TMCC1: variants seen among roughly 807,000 people sequenced by gnomAD.
The protein encoded by TMCC1 is transmembrane and coiled-coil domain family 1, also known as transmembrane and coiled-coil domains protein 1.
Under a neutral mutation model 52.4 loss-of-function variants are expected in TMCC1, and 15 were observed. That is an observed-to-expected ratio of 0.29 (90% CI 0.19 to 0.44). The LOEUF (loss-of-function observed/expected upper bound fraction) is 0.44. TMCC1 is among the 20% of genes least tolerant of loss of function. The pLI is 1.00. For synonymous variants in TMCC1, 279 were observed against 301.9 expected, an observed-to-expected ratio of 0.92 and a Z score of 0.79; for missense variants, 503 against 806.0, an observed-to-expected ratio of 0.62 and a Z score of 4.55.
Position 129,828,418 on chromosome 3 carries a change from T to G in TMCC1, c.-40A>C. 6.3e-7 allele frequency: 1 copy of G among 1,579,428 alleles called. No homozygotes were observed. Among genetic ancestry groups the G allele is most frequent in the Non-Finnish European group, 8.6e-7 (1 of 1,162,148 alleles). On this transcript the variant is annotated 5_prime_UTR_variant, in exon 4 of 7. Transcript: ENST00000393238. The surrounding 1 kb of genome is among the most constrained non-coding windows in gnomAD (Gnocchi z 4.1). ...TGCTTATTTGCAAACTCAAAAAAAT[T>G]TTTTAAACACACCAAGAGTGTCAAA...
chr3:129,697,673 T>C lies in TMCC1; in HGVS notation c.577-26409A>G, dbSNP rs372761023. ...TATGCTCTGCTTCCTCTCAAACACT[T>C]TGCCACTTAGAAATTTCTTCTGCCA... On this transcript the variant is annotated intron_variant, in intron 4 of 6. Transcript: ENST00000393238. Among the ~76,000 whole-genome samples the C allele has an allele frequency of 4.6e-5, 7 of 152,276 alleles. No homozygotes were observed. In the East Asian group the frequency reaches 1.3e-3, roughly 29 times the overall value.
intron 4 of TMCC1, among the ~76,000 whole-genome samples, chr3:129,746,883 C>T (rs2052027056): frequency 6.6e-6 from 1 of 152,172 alleles, no homozygotes; most frequent in African/African-American, 2.4e-5. Flanking sequence ...AGAACACCTA[C>T]TACCTTACTT....
At chr3:129,844,061 G>C (rs930008223) in intron 2 of TMCC1, among the ~76,000 whole-genome samples, 1 of 152,132 alleles carries the variant, frequency 6.6e-6, no homozygotes, top group African/African-American at 2.4e-5. Flanking sequence ...CAGGGATGTA[G>C]GGCTGGTTCA....
At chr3:129,850,387 T>C (rs1157811540) in intron 2 of TMCC1, among the ~76,000 whole-genome samples, 4 of 152,226 alleles carry the variant, frequency 2.6e-5, no homozygotes, top group Admixed American at 6.5e-5. Context: ...GACATAGATG[T>C]TTAATTTCAC....
At chr3:129,801,147 T>C (rs1227263657) in intron 4 of TMCC1, among the ~76,000 whole-genome samples, 1 of 151,968 alleles carries the variant, frequency 6.6e-6, no homozygotes, top group Admixed American at 6.6e-5. Flanking sequence ...ATGGTCTCAA[T>C]CTCCTGACCT....
At chr3:129,660,221 C>T (rs1310633919) in intron 5 of TMCC1, among the ~76,000 whole-genome samples, 1 of 152,126 alleles carries the variant, frequency 6.6e-6, no homozygotes, top group Admixed American at 6.5e-5. Flanking sequence ...GATCGTGGCT[C>T]ATTGTGGTCT....
chr3:129,702,596 A>G (rs2047920260), intron 4 of TMCC1, among the ~76,000 whole-genome samples: 1 of 152,190 alleles, frequency 6.6e-6, no homozygotes, highest in Non-Finnish European at 1.5e-5. Flanking sequence ...TACATAAACC[A>G]TTTCTTGAAA....
intron 2 of TMCC1, among the ~76,000 whole-genome samples, chr3:129,873,397 G>C (rs1335666192): frequency 6.7e-6 from 1 of 149,402 alleles, no homozygotes; most frequent in Non-Finnish European, 1.5e-5. Context: ...ACGGACACAA[G>C]TTGGCCAGGT....
At chr3:129,854,209 T>C (rs2060043735) in intron 2 of TMCC1, among the ~76,000 whole-genome samples, 1 of 151,892 alleles carries the variant, frequency 6.6e-6, no homozygotes, top group South Asian at 2.1e-4. Flanking sequence ...CTGGCCAACA[T>C]GGTGAAACCC....
At chr3:129,775,997 G>A (rs2055008754) in intron 4 of TMCC1, among the ~76,000 whole-genome samples, 1 of 150,634 alleles carries the variant, frequency 6.6e-6, no homozygotes. Context: ...CTCACATTAA[G>A]CCTCATCTAC....
intron 4 of TMCC1, among the ~76,000 whole-genome samples, chr3:129,790,640 C>T (rs555166493): frequency 3.3e-5 from 5 of 152,144 alleles, no homozygotes; most frequent in Non-Finnish European, 7.4e-5. Flanking sequence ...GATCAGAGTG[C>T]AGGCCAGAGT....
At chr3:129,682,146 G>T (rs1380145154) in intron 4 of TMCC1, among the ~76,000 whole-genome samples, 1 of 151,738 alleles carries the variant, frequency 6.6e-6, no homozygotes, top group African/African-American at 2.4e-5. Context: ...TTAGAGATAG[G>T]GTCTTGCTAT....
chr3:129,710,287 T>G (rs546477300), intron 4 of TMCC1, among the ~76,000 whole-genome samples: 1 of 152,334 alleles, frequency 6.6e-6, no homozygotes, highest in Admixed American at 6.5e-5. Context: ...CTTGTGAGGT[T>G]TGTAAGGCAG....
intron 1 of TMCC1, among the ~76,000 whole-genome samples, chr3:129,885,453 C>T (rs2061650804): frequency 1.3e-5 from 2 of 150,640 alleles, no homozygotes; most frequent in Admixed American, 6.6e-5. Flanking sequence ...GGCATGATGG[C>T]GGGTGCCTGT....
intron 2 of TMCC1, among the ~76,000 whole-genome samples, chr3:129,844,322 T>C (rs914916283): frequency 1.3e-5 from 2 of 152,188 alleles, no homozygotes; most frequent in Non-Finnish European, 1.5e-5. Flanking sequence ...ACTGCCATGA[T>C]TTCAGGAGTG....
At chr3:129,887,064 G>A (rs1227391047) in intron 1 of TMCC1, among the ~76,000 whole-genome samples, 5 of 152,194 alleles carry the variant, frequency 3.3e-5, no homozygotes, top group East Asian at 1.9e-4. Flanking sequence ...AACAAAGAGA[G>A]GGACTGCTTA....
intron 2 of TMCC1, among the ~76,000 whole-genome samples, chr3:129,862,680 G>A (rs189832737): frequency 3.8e-4 from 58 of 152,122 alleles, no homozygotes; most frequent in African/African-American, 1.3e-3. Flanking sequence ...ACAGATAGAA[G>A]GAAAAATAGA....
chr3:129,851,948 A>G (rs1422614076), intron 2 of TMCC1, among the ~76,000 whole-genome samples: 1 of 152,032 alleles, frequency 6.6e-6, no homozygotes, highest in African/African-American at 2.4e-5. Flanking sequence ...TAAGGAGTTC[A>G]AGACCAGCCT....
chr3:129,829,611 G>A (rs541098906), intron 3 of TMCC1, among the ~76,000 whole-genome samples: 17 of 151,482 alleles, frequency 1.1e-4, no homozygotes, highest in Non-Finnish European at 1.9e-4. Context: ...GATGTAGGAG[G>A]TTATTTCCAT....
Sources: gnomAD v4.1 joint callset for allele counts (sites outside exome capture counted in the v4.1 genomes callset) on GRCh38, gnomAD v4.1.1 for gene constraint, Gnocchi (gnomAD v3.1) non-coding constraint, MANE v1.5 for transcripts, NCBI Gene and HGNC (gene_info 2026-07-23, HGNC 2026-07-21) for gene names.